Variants in SLC37A1 observed in about 807,000 individuals in gnomAD.
The protein encoded by SLC37A1 is solute carrier family 37 member 1.
In SLC37A1, 49 loss-of-function variants were observed where a neutral mutation model predicts 75.3. The observed-to-expected ratio is 0.65, with a 90% CI of 0.52 to 0.83. SLC37A1 has a LOEUF of 0.83. Ranked by LOEUF, SLC37A1 falls within the 40% of genes least tolerant of loss-of-function variation. The pLI is 0.00. For missense variants in SLC37A1, 566 were observed against 695.0 expected, an observed-to-expected ratio of 0.81 and a Z score of 2.09; for synonymous variants, 268 against 292.1, an observed-to-expected ratio of 0.92 and a Z score of 0.84.
chr21:42,579,654 G>A, intron 18 of SLC37A1, 82 bp from the exon 19 acceptor site: 1 of 1,508,142 alleles, frequency 6.6e-7, no homozygotes. Flanking sequence ...GGCCTTGCGG[G>A]CCAGGTCCTC....
intron 14 of SLC37A1, among the ~76,000 whole-genome samples, chr21:42,565,575 G>A (rs1342576445): frequency 6.6e-6 from 1 of 152,206 alleles, no homozygotes; most frequent in African/African-American, 2.4e-5. Flanking sequence ...CCCTTGGCTG[G>A]GGGTGTAAGG....
Position 42,548,667 on chromosome 21 carries a change from G to A in SLC37A1, c.768+1527G>A, listed in dbSNP as rs1049931428. On this transcript the variant is annotated intron_variant, in intron 9 of 19. Transcript: ENST00000352133. The surrounding 1 kb of genome is among the most constrained non-coding windows in gnomAD (Gnocchi z 5.6). ...CTCCCCAGAATCTCTTCTTCACACCGCACTTGCAGAGACTGTATTGATACA... is the reference window on the plus strand; with the variant it reads ...CTCCCCAGAATCTCTTCTTCACACCACACTTGCAGAGACTGTATTGATACA... Among the ~76,000 whole-genome samples the A allele has an allele frequency of 4.6e-5, 7 of 152,164 alleles. No homozygotes were observed. Among genetic ancestry groups the A allele is most frequent in the African/African-American group, 7.2e-5 (3 of 41,438 alleles).
chr21:42,511,101 T>A (rs1377728857), upstream of SLC37A1, among the ~76,000 whole-genome samples: 2 of 152,182 alleles, frequency 1.3e-5, no homozygotes, highest in African/African-American at 4.8e-5. Flanking sequence ...ACAAAACAAG[T>A]TTTAACAAAT....
At chr21:42,544,228 A>G (rs2055353263) in intron 8 of SLC37A1, among the ~76,000 whole-genome samples, 1 of 152,170 alleles carries the variant, frequency 6.6e-6, no homozygotes. Context: ...CGAATCCCGC[A>G]AGCCATTCTG....
chr21:42,563,945 C>A, intron 13 of SLC37A1, 68 bp downstream of exon 13: 1 of 1,551,944 alleles, frequency 6.4e-7, no homozygotes, highest in Non-Finnish European at 8.9e-7. Context: ...TGAGTTGATT[C>A]ACTGCTCAGG....
At chr21:42,558,814 TG>T (rs2055752995) in intron 10 of SLC37A1, 143 bp from the exon 11 acceptor site, 1 of 927,274 alleles carries the variant, frequency 1.1e-6, no homozygotes, top group Non-Finnish European at 1.6e-6. Flanking sequence ...AGTGGCCAGG[TG>T]GGAATGTCAC....
chr21:42,528,220 A>G (rs2054850410), intron 3 of SLC37A1, among the ~76,000 whole-genome samples: 1 of 152,192 alleles, frequency 6.6e-6, no homozygotes, highest in African/African-American at 2.4e-5. Context: ...TTTCTCGATG[A>G]TGATGATAAA....
intron 3 of SLC37A1, among the ~76,000 whole-genome samples, chr21:42,529,209 T>C (rs2054878161): frequency 1.3e-5 from 2 of 152,220 alleles, no homozygotes; most frequent in African/African-American, 4.8e-5. Flanking sequence ...ATTTAATAAA[T>C]TTAATAAATG....
chr21:42,538,609 C>T (rs2055198940), intron 5 of SLC37A1, among the ~76,000 whole-genome samples: 1 of 152,178 alleles, frequency 6.6e-6, no homozygotes, highest in Non-Finnish European at 1.5e-5. Flanking sequence ...ATCCGTGATA[C>T]TCTACAGCTT....
At chr21:42,541,545 A>C (rs1209953383) in intron 6 of SLC37A1, among the ~76,000 whole-genome samples, 1 of 152,204 alleles carries the variant, frequency 6.6e-6, no homozygotes, top group Non-Finnish European at 1.5e-5. Context: ...ATGAAACTCA[A>C]GTCAGGGATT....
chr21:42,549,035 C>T (rs534736565), intron 9 of SLC37A1, among the ~76,000 whole-genome samples: 1 of 152,318 alleles, frequency 6.6e-6, no homozygotes, highest in South Asian at 2.1e-4. Flanking sequence ...GTTCTTAAAA[C>T]TATGGTTGAT....
At chr21:42,575,391 A>G in intron 18 of SLC37A1, 2 of 985,472 alleles carry the variant, frequency 2.0e-6, no homozygotes, top group Non-Finnish European at 2.4e-6. Flanking sequence ...GAGCGGCCCC[A>G]ACTTCTTTCA....
At chr21:42,579,830 C>T (rs767215859) in intron 19 of SLC37A1, 30 bp downstream of exon 19, 10 of 1,610,354 alleles carry the variant, frequency 6.2e-6, no homozygotes, top group South Asian at 1.1e-5. Flanking sequence ...TGTCTCCGTG[C>T]GTGAAAGCCG....
chr21:42,572,107 C>T (rs989682900), intron 17 of SLC37A1, among the ~76,000 whole-genome samples: 1 of 152,230 alleles, frequency 6.6e-6, no homozygotes, highest in African/African-American at 2.4e-5. Flanking sequence ...ATTCTGCTCT[C>T]GCCTGAGGCA....
At chr21:42,530,629 CACACACACACACACACACACACACA>C (rs2054928347) in intron 3 of SLC37A1, among the ~76,000 whole-genome samples, 2 of 99,726 alleles carry the variant, frequency 2.0e-5, no homozygotes, top group African/African-American at 3.7e-5. Flanking sequence ...CACACACACA[CACACACACACACACACACACACACA>C]CCCCCTCTGT....
Position 42,543,557 on chromosome 21 carries a change from A to G in SLC37A1, c.685A>G (p.Ile229Val), listed in dbSNP as rs1261829626. ...CCTGTCCTTCGTCGTGCCTGGAGCC[A>G]TCGTGGCAGCCATGGGGATAGTGTG... ...WGLSFVVPGAIVAAMGIVCFL... is the reference protein window; with the variant it reads ...WGLSFVVPGAVVAAMGIVCFL... Residue 229 changes from isoleucine (I) to valine (V), a missense_variant, in exon 8 of 20, where the codon ATC becomes GTC. Ile to Val is a conservative substitution (Grantham distance 29). Coordinates refer to ENST00000352133, the MANE Select transcript of SLC37A1 (RefSeq NM_001320537.2). The G allele has an allele frequency of 1.2e-6, 2 of 1,613,220 alleles. No homozygotes were observed. Among genetic ancestry groups the G allele is most frequent in the African/African-American group, 1.3e-5 (1 of 74,882 alleles).
chr21:42,562,493 G>A (rs766947595), intron 12 of SLC37A1, among the ~76,000 whole-genome samples: 16 of 152,198 alleles, frequency 1.1e-4, no homozygotes, highest in Non-Finnish European at 2.2e-4. Flanking sequence ...ATAGCAGCCA[G>A]TGAGCAGAAG....
chr21:42,567,334 G>A (rs1051854496), intron 16 of SLC37A1, among the ~76,000 whole-genome samples: 1 of 152,228 alleles, frequency 6.6e-6, no homozygotes, highest in Admixed American at 6.5e-5. Context: ...AATCCAAGGG[G>A]GCAGGGGAGA....
chr21:42,568,477 T>C (rs2147018777), intron 17 of SLC37A1, 39 bp downstream of exon 17: 1 of 1,587,296 alleles, frequency 6.3e-7, no homozygotes, highest in East Asian at 2.2e-5. Flanking sequence ...TTTGGTGTCT[T>C]AGGGGAAATC....
Sources: gnomAD v4.1 joint callset for allele counts (sites outside exome capture counted in the v4.1 genomes callset) on GRCh38, gnomAD v4.1.1 for gene constraint, Gnocchi (gnomAD v3.1) non-coding constraint, MANE v1.5 for transcripts, NCBI Gene and HGNC (gene_info 2026-07-23, HGNC 2026-07-21) for gene names.